Variants in MYLK observed in about 807,000 individuals in gnomAD.
MYLK encodes the protein myosin light chain kinase.
Under a neutral mutation model 203.4 loss-of-function variants are expected in MYLK, and 106 were observed. That is an observed-to-expected ratio of 0.52 (90% confidence interval 0.45 to 0.61). MYLK has a LOEUF of 0.61. MYLK is among the 20% of genes least tolerant of loss of function. The pLI is 0.00. For missense variants in MYLK, 2,072 were observed against 2,442.3 expected (o/e 0.85, Z 3.20); for synonymous variants, 867 against 959.5 (o/e 0.90, Z 1.78).
chr3:123,747,116 G>T (rs1364028954), intron 5 of MYLK, among the ~76,000 whole-genome samples: 1 of 152,186 alleles, frequency 6.6e-6, no homozygotes, highest in South Asian at 2.1e-4. Context: ...ATCTGCCCCT[G>T]AAAAACGGCA....
intron 2 of MYLK, among the ~76,000 whole-genome samples, chr3:123,867,279 T>C (rs981701078): frequency 2.6e-5 from 4 of 151,970 alleles, no homozygotes; most frequent in Admixed American, 2.0e-4. Flanking sequence ...TTGAAGTGTG[T>C]CCCCCCAAAA....
intron 11 of MYLK, among the ~76,000 whole-genome samples, chr3:123,732,563 G>C (rs1044466970): frequency 6.6e-6 from 1 of 152,076 alleles, no homozygotes; most frequent in Non-Finnish European, 1.5e-5. Flanking sequence ...CTCTAAACCT[G>C]TATATTTAAT....
chr3:123,853,767 T>C (rs892305182), intron 2 of MYLK, among the ~76,000 whole-genome samples: 5 of 152,094 alleles, frequency 3.3e-5, no homozygotes, highest in Non-Finnish European at 7.4e-5. Context: ...AGGATAAGGA[T>C]GAGCATATTT....
Position 123,618,531 on chromosome 3 carries a change from A to G in MYLK, c.5500+108T>C. 2.7e-6 allele frequency: 4 copies of G among 1,506,530 alleles called. No homozygotes were observed. The Admixed American group carries it at 5.0e-5, about 19-fold the overall frequency. The allele number at this position is 1,506,530 out of a possible 1,614,324, so 93.3% of individuals were successfully genotyped here. A position where few individuals can be genotyped will look rare whatever the true frequency, so the allele number is the denominator to read the frequency against. On this transcript the variant is annotated intron_variant, in intron 33 of 33. Transcript: ENST00000360304. ...TTCCCCCAAAGCTTGGCAGTTCCTC[A>G]TTGTCCCCAGCTGCACAGAACTGAC...
chr3:123,724,884 C>T (rs2062225260), intron 12 of MYLK, among the ~76,000 whole-genome samples: 1 of 152,112 alleles, frequency 6.6e-6, no homozygotes, highest in Admixed American at 6.5e-5. Flanking sequence ...GCTGGGATTA[C>T]AGGCACCTGG....
At chr3:123,617,139 G>GT (rs1348278900) in intron 33 of MYLK, 4 of 152,162 alleles carry the variant, frequency 2.6e-5, no homozygotes, top group African/African-American at 7.2e-5. Flanking sequence ...TTTCAATTTT[G>GT]TTTTTATCAA....
At chr3:123,765,888 T>C (rs2063686609) in intron 4 of MYLK, among the ~76,000 whole-genome samples, 1 of 151,972 alleles carries the variant, frequency 6.6e-6, no homozygotes, top group Non-Finnish European at 1.5e-5. Flanking sequence ...AGACAGAAAG[T>C]AGAATGGTGG....
chr3:123,729,770 A>G (rs2062412762), intron 11 of MYLK, among the ~76,000 whole-genome samples: 1 of 151,782 alleles, frequency 6.6e-6, no homozygotes, highest in Non-Finnish European at 1.5e-5. Context: ...GGTCCCAGCT[A>G]CCCAGGAGGC....
At chr3:123,859,781 C>T (rs147949751) in intron 2 of MYLK, among the ~76,000 whole-genome samples, 101 of 152,204 alleles carry the variant, frequency 6.6e-4, no homozygotes, top group African/African-American at 2.3e-3. Context: ...CACAAATTAA[C>T]AATGAGATAG....
At chr3:123,787,409 G>A (rs948927769) in intron 4 of MYLK, among the ~76,000 whole-genome samples, 6 of 152,194 alleles carry the variant, frequency 3.9e-5, no homozygotes, top group African/African-American at 1.4e-4. Flanking sequence ...CCTAGAAGAA[G>A]TACACGGCCA....
intron 5 of MYLK, among the ~76,000 whole-genome samples, chr3:123,742,353 G>C (rs1439924991): frequency 6.6e-6 from 1 of 152,042 alleles, no homozygotes; most frequent in African/African-American, 2.4e-5. Context: ...TCATAATTAG[G>C]TAAAACTAAA....
At chr3:123,827,461 CA>C (rs930417885) in intron 3 of MYLK, among the ~76,000 whole-genome samples, 1 of 151,208 alleles carries the variant, frequency 6.6e-6, no homozygotes, top group Non-Finnish European at 1.5e-5. Context: ...GGAGATTTCT[CA>C]AAAGGAATCT....
At chr3:123,634,658 C>G (rs2058570757) in intron 29 of MYLK, among the ~76,000 whole-genome samples, 2 of 152,182 alleles carry the variant, frequency 1.3e-5, no homozygotes, top group Non-Finnish European at 2.9e-5. Context: ...CTGGTTCGCT[C>G]TGGCTTGAGG....
At chr3:123,786,174 G>A (rs142257558) in intron 4 of MYLK, among the ~76,000 whole-genome samples, 4,105 of 151,730 alleles carry the variant, frequency 0.027, 205 homozygotes, top group African/African-American at 0.09. Flanking sequence ...GTGGTGGCAC[G>A]CGCCTGTAGT....
At chr3:123,780,250 G>A (rs1173547534) in intron 4 of MYLK, among the ~76,000 whole-genome samples, 1 of 151,972 alleles carries the variant, frequency 6.6e-6, no homozygotes, top group Non-Finnish European at 1.5e-5. Context: ...CCTGACCAAT[G>A]TGGTGAAACC....
chr3:123,772,285 T>C (rs962366540), intron 4 of MYLK, among the ~76,000 whole-genome samples: 1 of 152,098 alleles, frequency 6.6e-6, no homozygotes. Context: ...TATTGACTAA[T>C]GAAATAGTCC....
intron 2 of MYLK, among the ~76,000 whole-genome samples, chr3:123,834,898 T>A (rs1172956278): frequency 6.6e-6 from 1 of 152,208 alleles, no homozygotes; most frequent in Non-Finnish European, 1.5e-5. Context: ...TCAGCTCTGC[T>A]GGTGGTAAAA....
intron 3 of MYLK, among the ~76,000 whole-genome samples, chr3:123,829,012 T>G (rs920242334): frequency 6.6e-6 from 1 of 151,876 alleles, no homozygotes; most frequent in Non-Finnish European, 1.5e-5. Flanking sequence ...TAAACTAGTA[T>G]AGCAACTATG....
chr3:123,657,103 C>T lies in MYLK; in HGVS notation c.4288+23G>A, dbSNP rs1320161533. ...AGTCACGCACATTTGTTTCAAGCCACTGATGAAGTGATGGCAGCCTACCTT... is the reference window on the plus strand; with the variant it reads ...AGTCACGCACATTTGTTTCAAGCCATTGATGAAGTGATGGCAGCCTACCTT... On this transcript the variant is annotated intron_variant, in intron 24 of 33. Transcript: ENST00000360304. 5.6e-6 allele frequency: 9 copies of T among 1,614,064 alleles called. No homozygotes were observed. In the East Asian group the frequency reaches 1.8e-4, roughly 32 times the overall value.
Sources: gnomAD v4.1 joint callset for allele counts (sites outside exome capture counted in the v4.1 genomes callset) on GRCh38, gnomAD v4.1.1 for gene constraint, MANE v1.5 for transcripts, NCBI Gene and HGNC (gene_info 2026-07-23, HGNC 2026-07-21) for gene names.